LUZP2: variants seen among roughly 807,000 people sequenced by gnomAD.
The protein encoded by LUZP2 is leucine zipper protein 2.
Under a neutral mutation model 51.6 loss-of-function variants are expected in LUZP2, and 52 were observed. The observed-to-expected ratio is 1.01, with a 90% CI of 0.81 to 1.27. LUZP2 has a LOEUF of 1.27. Ranked by LOEUF, LUZP2 falls within the 50% of genes most tolerant of loss-of-function variation. The pLI, the probability that LUZP2 is intolerant of heterozygous loss-of-function variation, is 0.00. For synonymous variants in LUZP2, 154 were observed against 137.3 expected (o/e 1.12, Z -0.85); for missense variants, 436 against 395.4 (o/e 1.10, Z -0.87).
At chr11:24,566,325 TA>T (rs201592903) in intron 1 of LUZP2, among the ~76,000 whole-genome samples, 150 of 1,730 alleles carry the variant, frequency 0.087, no homozygotes, top group Middle Eastern at 0.25. Context: ...ATTATTTATT[TA>T]TTTTTTTTTT....
At chr11:24,999,805 C>G (rs1856626449) in intron 9 of LUZP2, among the ~76,000 whole-genome samples, 1 of 152,140 alleles carries the variant, frequency 6.6e-6, no homozygotes, top group Non-Finnish European at 1.5e-5. Flanking sequence ...GGTTGTTGGT[C>G]TCACTGACTT....
At chr11:24,856,804 AC>A (rs1270396163) in intron 5 of LUZP2, among the ~76,000 whole-genome samples, 1 of 152,096 alleles carries the variant, frequency 6.6e-6, no homozygotes, top group East Asian at 1.9e-4. Flanking sequence ...CATTAATGGA[AC>A]TAGAGGCCAT....
intron 1 of LUZP2, among the ~76,000 whole-genome samples, chr11:24,577,681 T>C (rs1244329096): frequency 6.6e-6 from 1 of 152,116 alleles, no homozygotes; most frequent in Non-Finnish European, 1.5e-5. Context: ...GTGACAGGCA[T>C]TATAATAAGT....
At chr11:25,046,324 C>A (rs1354652503) in intron 9 of LUZP2, among the ~76,000 whole-genome samples, 1 of 151,670 alleles carries the variant, frequency 6.6e-6, no homozygotes, top group Non-Finnish European at 1.5e-5. Flanking sequence ...AGATCTGTTT[C>A]AAATATTTGA....
intron 4 of LUZP2, among the ~76,000 whole-genome samples, chr11:24,743,602 G>T (rs1403583205): frequency 6.6e-6 from 1 of 151,824 alleles, no homozygotes; most frequent in Admixed American, 6.6e-5. Flanking sequence ...GAGTCTTTAG[G>T]GTTTTCAAGG....
At chr11:24,527,949 G>A (rs903683356) in intron 1 of LUZP2, among the ~76,000 whole-genome samples, 1 of 151,280 alleles carries the variant, frequency 6.6e-6, no homozygotes, top group Non-Finnish European at 1.5e-5. Flanking sequence ...ATAGACATCA[G>A]CATCCTAACA....
chr11:25,023,580 C>T (rs576038313), intron 9 of LUZP2, among the ~76,000 whole-genome samples: 1 of 135,156 alleles, frequency 7.4e-6, no homozygotes, highest in East Asian at 2.0e-4. Flanking sequence ...TTCAAAAAAA[C>T]CAGCTCCTGG....
At chr11:24,811,402 TC>T (rs1294146470) in intron 5 of LUZP2, among the ~76,000 whole-genome samples, 1 of 152,212 alleles carries the variant, frequency 6.6e-6, no homozygotes, top group East Asian at 1.9e-4. Flanking sequence ...TGATATTGCT[TC>T]TAGCACAGAT....
intron 10 of LUZP2, among the ~76,000 whole-genome samples, chr11:25,062,834 A>G (rs1440573175): frequency 2.6e-5 from 4 of 151,516 alleles, no homozygotes; most frequent in Middle Eastern, 3.4e-3. Context: ...ATAAATAAAC[A>G]TTGTAAAAAC....
At chr11:24,716,872 G>T (rs910733387) in intron 1 of LUZP2, among the ~76,000 whole-genome samples, 3 of 151,680 alleles carry the variant, frequency 2.0e-5, no homozygotes, top group Non-Finnish European at 4.4e-5. Flanking sequence ...CTCCAGCCTG[G>T]GTGACAGAGT....
At chr11:24,558,555 A>G (rs1851940775) in intron 1 of LUZP2, among the ~76,000 whole-genome samples, 1 of 152,158 alleles carries the variant, frequency 6.6e-6, no homozygotes, top group African/African-American at 2.4e-5. Flanking sequence ...ATGTCAAGAC[A>G]ATCTTGCAAA....
chr11:24,777,854 C>T (rs943917756), intron 5 of LUZP2, among the ~76,000 whole-genome samples: 13 of 151,830 alleles, frequency 8.6e-5, no homozygotes, highest in Non-Finnish European at 1.2e-4. Flanking sequence ...AAATCTCTCC[C>T]GTTAATACAT....
At chr11:24,590,678 G>T (rs1485063683) in intron 1 of LUZP2, among the ~76,000 whole-genome samples, 1 of 152,106 alleles carries the variant, frequency 6.6e-6, no homozygotes, top group East Asian at 1.9e-4. Context: ...ACTAAATGTA[G>T]CTATCATTAA....
chr11:24,769,747 C>T (rs189181303), intron 5 of LUZP2, among the ~76,000 whole-genome samples: 207 of 148,782 alleles, frequency 1.4e-3, no homozygotes, highest in African/African-American at 5.0e-3. Flanking sequence ...CATTCGATAG[C>T]TCAAGGTAAG....
intron 5 of LUZP2, among the ~76,000 whole-genome samples, chr11:24,797,430 C>G (rs542222901): frequency 1.8e-4 from 28 of 152,264 alleles, no homozygotes; most frequent in African/African-American, 6.7e-4. Context: ...TCAATAATCT[C>G]CTTTTATCCT....
intron 1 of LUZP2, among the ~76,000 whole-genome samples, chr11:24,667,184 C>CT (rs199740839): frequency 0.039 from 5,165 of 131,970 alleles, 348 homozygotes; most frequent in African/African-American, 0.12. Context: ...TTCTTTTTTT[C>CT]TTTTTTTTTT....
intron 5 of LUZP2, among the ~76,000 whole-genome samples, chr11:24,798,319 T>G (rs914050894): frequency 1.3e-5 from 2 of 151,932 alleles, no homozygotes; most frequent in African/African-American, 4.8e-5. Context: ...TCCACCTCAT[T>G]CCCAAGTAGT....
intron 9 of LUZP2, among the ~76,000 whole-genome samples, chr11:24,984,549 T>TATATATATATATATATATAAAAAA (rs60530495): frequency 2.8e-5 from 2 of 71,224 alleles, no homozygotes; most frequent in African/African-American, 9.6e-5. Flanking sequence ...TATATATATA[T>TATATATATATATATATATAAAAAA]AATTGTGAAT....
At chr11:24,627,134 G>C (rs1274433459) in intron 1 of LUZP2, among the ~76,000 whole-genome samples, 1 of 152,154 alleles carries the variant, frequency 6.6e-6, no homozygotes, top group Non-Finnish European at 1.5e-5. Flanking sequence ...TGAGTACACA[G>C]ATAATACAGG....
Sources: allele counts gnomAD v4.1 joint callset (sites outside exome capture counted in the v4.1 genomes callset), GRCh38; gene constraint gnomAD v4.1.1; transcripts MANE v1.5; gene names NCBI Gene and HGNC (gene_info 2026-07-23, HGNC 2026-07-21).